The following BOD1L1 variants were observed in gnomAD, a reference collection of about 807,000 sequenced individuals.
The protein encoded by BOD1L1 is biorientation of chromosomes in cell division protein 1-like 1.
Under a neutral mutation model 240.7 loss-of-function variants are expected in BOD1L1, and 86 were observed. That is an observed-to-expected ratio of 0.36 (90% CI 0.30 to 0.43). The LOEUF is 0.43. Among genes scored for constraint, BOD1L1 ranks in the 20% least tolerant of loss-of-function variants. BOD1L1 has a pLI of 1.00. For missense variants in BOD1L1, 3,554 were observed against 3,643.5 expected (o/e 0.98, Z 0.63); for synonymous variants, 1,268 against 1,272.3 (o/e 1.00, Z 0.07).
chr4:13,576,615 T>C (rs1165801773), intron 25 of BOD1L1, among the ~76,000 whole-genome samples: 1 of 151,904 alleles, frequency 6.6e-6, no homozygotes, highest in Non-Finnish European at 1.5e-5. Context: ...AAATAGGCAT[T>C]TAAAACCTGG....
Position 13,604,407 on chromosome 4 carries a change from C to G in BOD1L1, c.2493G>C (p.Leu831Phe), listed in dbSNP as rs530503918. ...RKENNKKERRLSAEKTKAEHK... is the reference protein window; with the variant it reads ...RKENNKKERRFSAEKTKAEHK... ...GCTCTGCCTTAGTTTTTTCAGCTGA[C>G]AAGCGTCTCTCTTTTTTGTTGTTTT... The change falls in exon 10 of 26, where the codon TTG becomes TTC. Residue 831 changes from leucine to phenylalanine, a missense_variant. Leu to Phe is a conservative substitution (Grantham distance 22). Around this residue, in one of 2 missense-constraint regions of BOD1L1, gnomAD observed 3,393 missense variants for 3,427.1 expected, o/e 0.99. Coordinates refer to ENST00000040738, the MANE Select transcript of BOD1L1 (RefSeq NM_148894.3). The G allele has an allele frequency of 3.6e-5, 56 of 1,575,758 alleles. No individual in the cohort carries two copies. In the East Asian group the frequency reaches 6.3e-4, roughly 18 times the overall value.
Position 13,577,463 on chromosome 4 carries a change from T to C in BOD1L1, c.8824A>G (p.Thr2942Ala), listed in dbSNP as rs1385640760. 1 of 1,613,612 alleles carries C rather than the reference T, an allele frequency of 6.2e-7. No individual in the cohort carries two copies. The highest frequency in any genetic ancestry group is 8.5e-7 in the Non-Finnish European group (1 of 1,179,782). ...TTTCTTCCTCTCCGACGCACACTTG[T>C]TACTATTTTTTCTTCACCATCATCC... ...SNDDGEEKIV[T>A]SVRRRGRKPK... Residue 2942 changes from threonine (T) to alanine (A), a missense_variant, in exon 24 of 26, where the codon ACA becomes GCA. By Grantham distance (58) the Thr-to-Ala change is moderately conservative. Transcript: ENST00000040738.
chr4:13,584,755 G>A (rs1418390877), intron 17 of BOD1L1, among the ~76,000 whole-genome samples: 2 of 151,452 alleles, frequency 1.3e-5, no homozygotes, highest in African/African-American at 4.9e-5. Context: ...ATTTTTTCAC[G>A]TATTCAATTT....
At chr4:13,586,118 C>T (rs1713664496) in intron 17 of BOD1L1, among the ~76,000 whole-genome samples, 1 of 152,088 alleles carries the variant, frequency 6.6e-6, no homozygotes, top group Admixed American at 6.6e-5. Context: ...TTAGAAACCT[C>T]AAGAAATCAA....
chr4:13,608,297 C>T (rs1280960870), intron 8 of BOD1L1, among the ~76,000 whole-genome samples: 1 of 152,124 alleles, frequency 6.6e-6, no homozygotes, highest in African/African-American at 2.4e-5. Context: ...GGGTCTAAAG[C>T]TCTCACCAAA....
At chr4:13,612,313 G>C (rs1716238259) in intron 5 of BOD1L1, among the ~76,000 whole-genome samples, 1 of 152,192 alleles carries the variant, frequency 6.6e-6, no homozygotes, top group South Asian at 2.1e-4. Context: ...TCTACAGGCA[G>C]TTGCAAATAA....
At chr4:13,618,630 G>A (rs1716801432) in intron 2 of BOD1L1, among the ~76,000 whole-genome samples, 1 of 152,166 alleles carries the variant, frequency 6.6e-6, no homozygotes, top group South Asian at 2.1e-4. Context: ...AGACAACAAA[G>A]CTATTGTGAA....
At chr4:13,623,088 T>C (rs540434384) in intron 1 of BOD1L1, among the ~76,000 whole-genome samples, 2 of 152,310 alleles carry the variant, frequency 1.3e-5, no homozygotes, top group South Asian at 2.1e-4. Flanking sequence ...CATTGAAACC[T>C]ACCCTGAACA....
intron 1 of BOD1L1, among the ~76,000 whole-genome samples, chr4:13,620,873 G>A (rs777073599): frequency 1.3e-5 from 2 of 152,176 alleles, no homozygotes; most frequent in African/African-American, 4.8e-5. Flanking sequence ...TAAATCTGAG[G>A]TAAGGCAATG....
In BOD1L1 at chr4:13,604,378, T is replaced by C; in HGVS notation, c.2522A>G (p.Lys841Arg). Residue 841 changes from lysine (K) to arginine (R), a missense_variant, in exon 10 of 26, where the codon AAA (lysine) becomes AGA (arginine). By Grantham distance (26) the Lys-to-Arg change is conservative (BLOSUM62 2). Coordinates refer to ENST00000040738, the MANE Select transcript of BOD1L1 (RefSeq NM_148894.3). Reference protein sequence around the residue: ...LSAEKTKAEHKSRRSSDSKIQ... With the variant: ...LSAEKTKAEHRSRRSSDSKIQ... ...TTTAGAATCACTTGACCTTCTTGAT[T>C]TGTGCTCTGCCTTAGTTTTTTCAGC... 1.3e-6 allele frequency: 2 copies of C among 1,581,762 alleles called. No homozygotes were observed. Among genetic ancestry groups the C allele is most frequent in the Non-Finnish European group, 1.7e-6 (2 of 1,171,412 alleles).
At chr4:13,586,616 T>A in intron 16 of BOD1L1, 141 bp from the exon 17 acceptor site, 1 of 493,588 alleles carries the variant, frequency 2.0e-6, no homozygotes, top group South Asian at 4.0e-5. Context: ...ATATTTATAA[T>A]ATCATGTGAT....
At position 13,613,585 on chromosome 4, in the gene BOD1L1, T is replaced by C; in HGVS notation, c.1251A>G (p.Ser417=). ...CCTCCTCAGTATCTTCTTCAAAAGATGAAAGGTCACTGGTATGAACAGAGC... is the reference window on the plus strand; with the variant it reads ...CCTCCTCAGTATCTTCTTCAAAAGACGAAAGGTCACTGGTATGAACAGAGC... ...TVSSVHTSDL[S]SFEEDTEEEV... is the part of the protein sequence containing the mutation. Residue 417 remains serine, a synonymous_variant, in exon 5 of 26, where the codon TCA becomes TCG. Transcript: ENST00000040738. The surrounding 1 kb of genome is among the most constrained non-coding windows in gnomAD (Gnocchi z 4.0). 2 of 1,612,554 alleles carry C rather than the reference T, an allele frequency of 1.2e-6. No individual in the cohort carries two copies. The highest frequency in any genetic ancestry group is 1.1e-5 in the South Asian group (1 of 90,978).
intron 8 of BOD1L1, among the ~76,000 whole-genome samples, chr4:13,607,616 A>G (rs1396879019): frequency 6.6e-6 from 1 of 152,152 alleles, no homozygotes; most frequent in African/African-American, 2.4e-5. Flanking sequence ...TAATTTATAC[A>G]CTTGATCGAC....
At position 13,601,605 on chromosome 4, in the gene BOD1L1, A is replaced by C; in HGVS notation, c.5295T>G (p.Asn1765Lys). 6.2e-7 allele frequency: 1 copy of C among 1,613,896 alleles called. No individual in the cohort carries two copies. The highest frequency in any genetic ancestry group is 8.5e-7 in the Non-Finnish European group (1 of 1,179,888). ...TGGCACTTGTTCCTGGTGGTGCATC[A>C]TTATCTCCCAGGACAACACCTGCAC... ...VTGAGVVLGD[N>K]DAPPGTSASQ... Residue 1765 changes from asparagine (N) to lysine (K), a missense_variant, in exon 10 of 26, where the codon AAT (asparagine) becomes AAG (lysine). This residue lies in a region of BOD1L1 where 3,393 missense variants were observed against 3,427.1 expected (regional missense o/e 0.99). Coordinates refer to ENST00000040738, the MANE Select transcript of BOD1L1 (RefSeq NM_148894.3).
intron 2 of BOD1L1, among the ~76,000 whole-genome samples, chr4:13,618,860 TA>T (rs1015539958): frequency 3.0e-5 from 3 of 100,906 alleles, no homozygotes; most frequent in African/African-American, 8.0e-5. Context: ...CAGATTTGTT[TA>T]ACTGTTAAAA....
At position 13,573,470 on chromosome 4, in the gene BOD1L1, A is replaced by ATCTATCTATCTTTCTT. The variant is rs71169517; in HGVS notation, c.9039-3343_9039-3342insAAGAAAGATAGATAGA. ...TATCTATCTATCTATCTATCTATCT[A>ATCTATCTATCTTTCTT]TCTTTCTTTCTTTCTTTCTTTCTTT... is the stretch of plus-strand genomic sequence containing the variant. On this transcript the variant is annotated intron_variant, in intron 25 of 25. Transcript: ENST00000040738. Among the ~76,000 whole-genome samples, 222 of 122,718 alleles carry ATCTATCTATCTTTCTT rather than the reference A, an allele frequency of 1.8e-3. 3 individuals carry two copies. The highest frequency in any genetic ancestry group is 4.8e-3 in the Middle Eastern group (1 of 208). 80.5% of individuals were successfully genotyped at this position (122,718 alleles called of 152,430 possible). A position where few individuals can be genotyped will look rare whatever the true frequency, so the allele number is the denominator to read the frequency against.
chr4:13,608,713 C>G, intron 7 of BOD1L1, 45 bp from the exon 8 acceptor site: 1 of 1,353,976 alleles, frequency 7.4e-7, no homozygotes, highest in Non-Finnish European at 9.6e-7. Context: ...AAAAGTTTTA[C>G]AAACAATGTA....
Position 13,572,598 on chromosome 4 carries a change from A to G in BOD1L1, c.9039-2470T>C, listed in dbSNP as rs1429628616. On this transcript the variant is annotated intron_variant, in intron 25 of 25. Transcript: ENST00000040738. Reference sequence around the variant, plus strand: ...AAACCAATGATCCCCAAAAACAGTTATTTGGTGAGACAAAATCTTAAAGGA... The same window carrying G: ...AAACCAATGATCCCCAAAAACAGTTGTTTGGTGAGACAAAATCTTAAAGGA... 12 of 1,089,952 alleles carry G rather than the reference A, an allele frequency of 1.1e-5. No homozygotes were observed. In the Middle Eastern group the frequency reaches 7.4e-4, roughly 67 times the overall value. 67.5% of individuals were successfully genotyped at this position (1,089,952 alleles called of 1,614,324 possible).
chr4:13,585,917 C>T (rs868689371), intron 17 of BOD1L1, among the ~76,000 whole-genome samples: 6 of 152,112 alleles, frequency 3.9e-5, no homozygotes, highest in South Asian at 2.1e-4. Flanking sequence ...CCCAGCCATG[C>T]GGAACCGTGA....
Sources: gnomAD v4.1 joint callset for allele counts (sites outside exome capture counted in the v4.1 genomes callset) on GRCh38, gnomAD v4.1.1 for gene constraint, gnomAD v4.1.1 regional missense constraint, Gnocchi (gnomAD v3.1) non-coding constraint, MANE v1.5 for transcripts, NCBI Gene and HGNC (gene_info 2026-07-23, HGNC 2026-07-21) for gene names.